SOCS7: variants seen among roughly 807,000 people sequenced by gnomAD.
The protein encoded by SOCS7 is suppressor of cytokine signaling 7.
A neutral mutation model predicts 58.9 loss-of-function variants in SOCS7; 18 were observed. The observed-to-expected ratio is 0.31, with a 90% CI of 0.21 to 0.45. The LOEUF is 0.45. Ranked by LOEUF, SOCS7 falls within the 20% of genes least tolerant of loss-of-function variation. The pLI, the probability that SOCS7 is intolerant of heterozygous loss-of-function variation, is 1.00. For synonymous variants in SOCS7, 388 were observed against 364.3 expected, an observed-to-expected ratio of 1.06 and a Z score of -0.74; for missense variants, 667 against 837.3, an observed-to-expected ratio of 0.80 and a Z score of 2.51.
In SOCS7 at chr17:38,352,489, C is replaced by T. The variant is rs2037568163; in HGVS notation, c.437C>T (p.Pro146Leu). 1 of 1,530,404 alleles carries T rather than the reference C, an allele frequency of 6.5e-7. No individual in the cohort carries two copies. The allele number at this position is 1,530,404 out of a possible 1,614,324, so 94.8% of individuals were successfully genotyped here. A position where few individuals can be genotyped will look rare whatever the true frequency, so the allele number is the denominator to read the frequency against. ...AAGACAGTCGGTGGGGGTTGCTGCCCGTGTCCGTGTCCTCCTCAGCCGCCC... is the reference window on the plus strand; with the variant it reads ...AAGACAGTCGGTGGGGGTTGCTGCCTGTGTCCGTGTCCTCCTCAGCCGCCC... ...GVKTVGGGCC[P>L]CPCPPQPPPP... is the part of the protein sequence containing the mutation. The change falls in exon 1 of 10, where the codon CCG becomes CTG. Residue 146 changes from proline to leucine, a missense_variant. Physicochemically the swap from Pro to Leu is moderately conservative, Grantham distance 98. Around this residue, in one of 9 missense-constraint regions of SOCS7, gnomAD observed 154 missense variants for 156.3 expected, o/e 0.98. Coordinates refer to ENST00000612932, the MANE Select transcript of SOCS7 (RefSeq NM_014598.4). This position sits in a 1 kb window ranked among gnomAD's most constrained non-coding sequence, Gnocchi z 5.5.
At chr17:38,360,578 C>T (rs41481447) in intron 1 of SOCS7, among the ~76,000 whole-genome samples, 3,197 of 151,882 alleles carry the variant, frequency 0.021, 116 homozygotes, top group African/African-American at 0.074. Context: ...CTCGCTCTGT[C>T]GCCCAGGCTG....
chr17:38,357,849 A>G (rs1555567021), intron 1 of SOCS7, among the ~76,000 whole-genome samples: 2 of 152,198 alleles, frequency 1.3e-5, no homozygotes, highest in African/African-American at 4.8e-5. Flanking sequence ...ATAGGTTATT[A>G]TTCTTTCATT....
chr17:38,361,998 T>C (rs1478441466), intron 2 of SOCS7, among the ~76,000 whole-genome samples: 5 of 152,220 alleles, frequency 3.3e-5, no homozygotes, highest in African/African-American at 1.2e-4. Context: ...TTGTTGGTAA[T>C]TAGGTGGCCT....
rs41337247 is a variant in SOCS7, at chr17:38,365,122, C to T, written c.1151-186C>T. On this transcript the variant is annotated intron_variant, in intron 3 of 9. Transcript: ENST00000612932. ...TTGGGCTGCATTAGGAATATCCTTACTACCCTGCTTTCCAAAAGCAAAACA... is the reference window on the plus strand; with the variant it reads ...TTGGGCTGCATTAGGAATATCCTTATTACCCTGCTTTCCAAAAGCAAAACA... 4.4e-3 allele frequency among the ~76,000 whole-genome samples: 676 copies of T among 152,352 alleles called. 6 individuals carry two copies. Among genetic ancestry groups the T allele is most frequent in the African/African-American group, 0.016 (653 of 41,574 alleles).
rs55949628 is a variant in SOCS7 at position 38,381,946 on chromosome 17, CAAAAAAAAAAAAA to C, written c.1681+4120_1681+4132del. 9.1e-4 allele frequency among the ~76,000 whole-genome samples: 16 copies of C among 17,668 alleles called. No homozygotes were observed. The Admixed American group carries it at 9.9e-3, about 11-fold the overall frequency. The allele number at this position is 17,668 out of a possible 152,430, so 11.6% of individuals were successfully genotyped here. A position where few individuals can be genotyped will look rare whatever the true frequency, so the allele number is the denominator to read the frequency against. On this transcript the variant is annotated intron_variant, in intron 7 of 9. Coordinates refer to ENST00000612932, the MANE Select transcript of SOCS7 (RefSeq NM_014598.4). ...CCACTGCACTCCAAAGACTCTGTCT[CAAAAAAAAAAAAA>C]AAAAAAAAAAAAAAACCTAAAAAAA...
In SOCS7 at chr17:38,395,822, G is replaced by A. The variant is rs41322144; in HGVS notation, c.1818-26G>A. On this transcript the variant is annotated intron_variant, in intron 8 of 9. Transcript: ENST00000612932. Reference sequence around the variant, plus strand: ...TATATTTTGTATAAAAACCTTTTGTGTATATCCGTCATTTGTTTTTCACAG... The same window carrying A: ...TATATTTTGTATAAAAACCTTTTGTATATATCCGTCATTTGTTTTTCACAG... 307 of 1,604,656 alleles carry A rather than the reference G, an allele frequency of 1.9e-4. 1 individual carries two copies. The African/African-American group carries it at 3.9e-3, about 20-fold the overall frequency.
chr17:38,371,522 AGCCTCCC>A (rs2037864702), intron 6 of SOCS7, among the ~76,000 whole-genome samples: 2 of 22,582 alleles, frequency 8.9e-5, no homozygotes, highest in African/African-American at 4.3e-4. Context: ...TGCCCACCTC[AGCCTCCC>A]AAAGTGTTGG....
chr17:38,358,657 G>A (rs939451555), intron 1 of SOCS7, among the ~76,000 whole-genome samples: 7 of 151,366 alleles, frequency 4.6e-5, no homozygotes, highest in Non-Finnish European at 7.4e-5. Flanking sequence ...CAGGATCCTT[G>A]AGACAGATAC....
intron 9 of SOCS7, among the ~76,000 whole-genome samples, chr17:38,397,053 T>G (rs1240643263): frequency 6.6e-6 from 1 of 152,172 alleles, no homozygotes; most frequent in Non-Finnish European, 1.5e-5. Context: ...CGTCTGTGGG[T>G]GCAGTGCTGT....
rs544222492 is a variant in SOCS7, at chr17:38,383,246, T to C, written c.1681+5404T>C. Reference sequence around the variant, plus strand: ...GGGGATGATTATAGTACCTCACTTATAGGGTTGTTTTGAGGAATGCAAGAG... The same window carrying C: ...GGGGATGATTATAGTACCTCACTTACAGGGTTGTTTTGAGGAATGCAAGAG... On this transcript the variant is annotated intron_variant, in intron 7 of 9. Coordinates refer to ENST00000612932, the MANE Select transcript of SOCS7 (RefSeq NM_014598.4). Among the ~76,000 whole-genome samples, 21 of 152,274 alleles carry C rather than the reference T, an allele frequency of 1.4e-4. 2 individuals carry two copies. The East Asian group carries it at 2.7e-3, about 20-fold the overall frequency.
At chr17:38,376,749 A>C (rs1292655247) in intron 6 of SOCS7, among the ~76,000 whole-genome samples, 2 of 152,012 alleles carry the variant, frequency 1.3e-5, no homozygotes, top group Non-Finnish European at 2.9e-5. Flanking sequence ...AAAAAAAGTT[A>C]TAAGGTAACA....
chr17:38,387,930 T>C (rs997010586), intron 7 of SOCS7, among the ~76,000 whole-genome samples: 2 of 151,400 alleles, frequency 1.3e-5, no homozygotes, highest in Admixed American at 1.3e-4. Flanking sequence ...CCACTACACC[T>C]GGCTAATTTT....
At chr17:38,370,941 G>A (rs1327577526) in intron 6 of SOCS7, among the ~76,000 whole-genome samples, 4 of 152,104 alleles carry the variant, frequency 2.6e-5, no homozygotes, top group Admixed American at 6.6e-5. Flanking sequence ...GAGCCACGGC[G>A]CCCGGCCTTA....
At chr17:38,356,871 T>A (rs188568941) in intron 1 of SOCS7, among the ~76,000 whole-genome samples, 5 of 152,216 alleles carry the variant, frequency 3.3e-5, no homozygotes, top group Non-Finnish European at 7.3e-5. Context: ...CTGTTTCTCA[T>A]ATGTTGAGTT....
chr17:38,369,836 C>T (rs1157354525), intron 6 of SOCS7, among the ~76,000 whole-genome samples: 1 of 151,012 alleles, frequency 6.6e-6, no homozygotes, highest in Non-Finnish European at 1.5e-5. Context: ...TGTCACCAGG[C>T]TGGAGTGCAG....
chr17:38,365,565 G>A (rs2037778466), intron 4 of SOCS7, 156 bp downstream of exon 4: 1 of 477,186 alleles, frequency 2.1e-6, no homozygotes, highest in Admixed American at 4.2e-5. Context: ...TTAGAAATGA[G>A]GCGGAGAACT....
intron 6 of SOCS7, among the ~76,000 whole-genome samples, chr17:38,372,488 T>C (rs2037880317): frequency 1.3e-5 from 2 of 152,218 alleles, no homozygotes; most frequent in Non-Finnish European, 2.9e-5. Context: ...TGAGCTCAAG[T>C]GTTGCAAGTA....
chr17:38,395,518 C>G, intron 8 of SOCS7, 74 bp downstream of exon 8: 1 of 1,432,180 alleles, frequency 7.0e-7, no homozygotes, highest in Non-Finnish European at 9.7e-7. Context: ...TCAGTGAGGC[C>G]TGCAAGCTAC....
chr17:38,359,094 G>A (rs1290466987), intron 1 of SOCS7, among the ~76,000 whole-genome samples: 1 of 152,238 alleles, frequency 6.6e-6, no homozygotes, highest in Non-Finnish European at 1.5e-5. Context: ...TGAAAGGCCA[G>A]TGCTTCAGGT....
Sources: gnomAD v4.1 joint callset for allele counts (sites outside exome capture counted in the v4.1 genomes callset) on GRCh38, gnomAD v4.1.1 for gene constraint, gnomAD v4.1.1 regional missense constraint, Gnocchi (gnomAD v3.1) non-coding constraint, MANE v1.5 for transcripts, NCBI Gene and HGNC (gene_info 2026-07-23, HGNC 2026-07-21) for gene names.